SDK1: variants seen among roughly 807,000 people sequenced by gnomAD.
SDK1 encodes the protein sidekick cell adhesion molecule 1.
Under a neutral mutation model 245.5 loss-of-function variants are expected in SDK1, and 157 were observed. That is an observed-to-expected ratio of 0.64 (90% CI 0.56 to 0.73). The LOEUF is 0.73. Among genes scored for constraint, SDK1 ranks in the 30% least tolerant of loss-of-function variants. SDK1 has a pLI of 0.00. For missense variants in SDK1, 3,583 were observed against 3,002.3 expected, an observed-to-expected ratio of 1.19 and a Z score of -4.52; for synonymous variants, 1,647 against 1,278.5, an observed-to-expected ratio of 1.29 and a Z score of -6.15.
chr7:3,514,960 A>G (rs775111534), intron 1 of SDK1, among the ~76,000 whole-genome samples: 1 of 152,218 alleles, frequency 6.6e-6, no homozygotes, highest in Admixed American at 6.5e-5. Flanking sequence ...AATCAGAACA[A>G]TAATCACTTG....
chr7:3,948,528 C>T (rs921097574), intron 5 of SDK1, among the ~76,000 whole-genome samples: 16 of 152,202 alleles, frequency 1.1e-4, no homozygotes, highest in African/African-American at 3.1e-4. Flanking sequence ...TCCCAAAGTG[C>T]TGGGATGACA....
chr7:3,434,733 A>T (rs1291906147), intron 1 of SDK1, among the ~76,000 whole-genome samples: 1 of 152,140 alleles, frequency 6.6e-6, no homozygotes, highest in East Asian at 1.9e-4. Flanking sequence ...AGTTGTTGCC[A>T]TCATTAACCC....
At chr7:3,665,471 C>T (rs1037801557) in intron 4 of SDK1, among the ~76,000 whole-genome samples, 1 of 152,190 alleles carries the variant, frequency 6.6e-6, no homozygotes, top group Non-Finnish European at 1.5e-5. Context: ...TTTTTGTTCA[C>T]CTTTGCATCT....
intron 4 of SDK1, among the ~76,000 whole-genome samples, chr7:3,806,818 G>A (rs899877635): frequency 2.0e-5 from 3 of 152,054 alleles, no homozygotes; most frequent in African/African-American, 7.3e-5. Flanking sequence ...AGTAGCTGCT[G>A]CCCCTTTTTC....
chr7:4,079,674 G>A (rs1207892093), intron 22 of SDK1, 90 bp downstream of exon 22: 65 of 1,549,486 alleles, frequency 4.2e-5, no homozygotes, highest in Non-Finnish European at 5.4e-5. Flanking sequence ...TGATGGCTTG[G>A]GGTGTCGGGG....
At chr7:3,499,358 TTG>T (rs1008436431) in intron 1 of SDK1, among the ~76,000 whole-genome samples, 1 of 152,168 alleles carries the variant, frequency 6.6e-6, no homozygotes, top group Admixed American at 6.5e-5. Flanking sequence ...TAGCCATTTT[TTG>T]TGTGTTTTTT....
intron 23 of SDK1, among the ~76,000 whole-genome samples, chr7:4,111,465 A>G (rs1783340383): frequency 6.6e-6 from 1 of 152,216 alleles, no homozygotes; most frequent in Non-Finnish European, 1.5e-5. Context: ...TTCAGGGACT[A>G]AAAGGTGAAA....
intron 1 of SDK1, among the ~76,000 whole-genome samples, chr7:3,491,697 G>A (rs1031269336): frequency 6.6e-6 from 1 of 152,170 alleles, no homozygotes; most frequent in African/African-American, 2.4e-5. Context: ...TAGAACTTTA[G>A]CTATTGTCTC....
At chr7:3,449,817 G>C (rs904636927) in intron 1 of SDK1, among the ~76,000 whole-genome samples, 3 of 152,198 alleles carry the variant, frequency 2.0e-5, no homozygotes, top group African/African-American at 7.2e-5. Flanking sequence ...GAGGCTCTGG[G>C]GAATAAAGAT....
chr7:3,998,102 C>A (rs1784813662), intron 14 of SDK1, among the ~76,000 whole-genome samples: 1 of 152,236 alleles, frequency 6.6e-6, no homozygotes, highest in Non-Finnish European at 1.5e-5. Context: ...CTAGGATCTG[C>A]AGCCACGACT....
chr7:3,733,103 GA>G, intron 4 of SDK1, among the ~76,000 whole-genome samples: 1 of 152,332 alleles, frequency 6.6e-6, no homozygotes, highest in East Asian at 1.9e-4. Flanking sequence ...GTTCAGTGAT[GA>G]GCTTAAAAGA....
intron 25 of SDK1, among the ~76,000 whole-genome samples, chr7:4,125,926 C>A (rs1328054673): frequency 6.6e-6 from 1 of 152,212 alleles, no homozygotes; most frequent in Non-Finnish European, 1.5e-5. Flanking sequence ...CTCCAGCTCC[C>A]ACCCTGAGTC....
At chr7:3,911,761 ATG>A (rs1779172834) in intron 5 of SDK1, among the ~76,000 whole-genome samples, 1 of 152,128 alleles carries the variant, frequency 6.6e-6, no homozygotes, top group African/African-American at 2.4e-5. Flanking sequence ...GGTCACACAG[ATG>A]TGAAAATGAG....
At chr7:3,454,166 C>T (rs191739004) in intron 1 of SDK1, among the ~76,000 whole-genome samples, 57 of 152,084 alleles carry the variant, frequency 3.7e-4, no homozygotes, top group African/African-American at 1.4e-3. Flanking sequence ...CTTACTCATT[C>T]TATAAAAATT....
intron 5 of SDK1, among the ~76,000 whole-genome samples, chr7:3,913,547 C>G (rs1034066111): frequency 3.3e-5 from 5 of 152,116 alleles, no homozygotes; most frequent in Admixed American, 3.3e-4. Flanking sequence ...CCCGCCTCGG[C>G]CTCCCAAAGT....
At chr7:3,415,916 C>T (rs759428316) in intron 1 of SDK1, among the ~76,000 whole-genome samples, 4 of 152,070 alleles carry the variant, frequency 2.6e-5, no homozygotes, top group Admixed American at 2.6e-4. Context: ...AAGCCACTCT[C>T]CCCCATCCTG....
At chr7:3,888,539 G>A (rs1781387858) in intron 5 of SDK1, among the ~76,000 whole-genome samples, 2 of 152,204 alleles carry the variant, frequency 1.3e-5, no homozygotes, top group Admixed American at 6.5e-5. Flanking sequence ...TGTATTTGTT[G>A]TTCACAGAAT....
chr7:3,414,222 A>G (rs1779295876), intron 1 of SDK1, among the ~76,000 whole-genome samples: 1 of 152,130 alleles, frequency 6.6e-6, no homozygotes, highest in Non-Finnish European at 1.5e-5. Context: ...GCAGGAAGAG[A>G]CAAGGTTGGG....
chr7:3,861,788 C>G (rs181726657), intron 5 of SDK1, among the ~76,000 whole-genome samples: 5 of 152,084 alleles, frequency 3.3e-5, no homozygotes, highest in Non-Finnish European at 5.9e-5. Flanking sequence ...TACCCTCTCC[C>G]GTCAATGTGA....
Sources: allele counts gnomAD v4.1 joint callset (sites outside exome capture counted in the v4.1 genomes callset), GRCh38; gene constraint gnomAD v4.1.1; transcripts MANE v1.5; gene names NCBI Gene and HGNC (gene_info 2026-07-23, HGNC 2026-07-21).